The following SLIT3 variants were observed in gnomAD, a reference collection of about 807,000 sequenced individuals.
SLIT3 encodes the protein slit guidance ligand 3, also known as slit homolog 3 protein.
In SLIT3, 68 loss-of-function variants were observed where a neutral mutation model predicts 184.0. The ratio of observed to expected loss-of-function variants is 0.37; its 90% confidence interval spans 0.30 to 0.45. The LOEUF (loss-of-function observed/expected upper bound fraction) is 0.45, where lower values mean the gene tolerates loss of function less well. Ranked by LOEUF, SLIT3 falls within the 20% of genes least tolerant of loss-of-function variation. SLIT3 has a pLI of 1.00. For missense variants in SLIT3, 1,707 were observed against 2,026.0 expected (o/e 0.84, Z 3.02); for synonymous variants, 831 against 828.6 (o/e 1.00, Z -0.05).
intron 4 of SLIT3, among the ~76,000 whole-genome samples, chr5:168,966,401 T>A (rs931092927): frequency 1.9e-4 from 29 of 152,112 alleles, no homozygotes; most frequent in Middle Eastern, 6.8e-3. Flanking sequence ...GCTTTGGGAC[T>A]TTGCTTGGAA....
intron 4 of SLIT3, among the ~76,000 whole-genome samples, chr5:168,905,143 C>A (rs1399675919): frequency 6.6e-6 from 1 of 152,024 alleles, no homozygotes; most frequent in African/African-American, 2.4e-5. Flanking sequence ...TGCCACTGCA[C>A]TCCAGCCTGG....
intron 4 of SLIT3, among the ~76,000 whole-genome samples, chr5:168,945,246 A>T (rs1271996626): frequency 6.8e-6 from 1 of 147,996 alleles, no homozygotes; most frequent in African/African-American, 2.5e-5. Context: ...TGGTATCCAC[A>T]TTTTTTTTTT....
chr5:168,860,735 G>T (rs967972692), intron 5 of SLIT3, among the ~76,000 whole-genome samples: 1 of 152,156 alleles, frequency 6.6e-6, no homozygotes, highest in Non-Finnish European at 1.5e-5. Flanking sequence ...GGTACAGGAT[G>T]ACTAGGAATA....
chr5:169,090,945 G>T (rs771755744), intron 4 of SLIT3, among the ~76,000 whole-genome samples: 1 of 152,144 alleles, frequency 6.6e-6, no homozygotes, highest in Non-Finnish European at 1.5e-5. Context: ...CTCCTCCATC[G>T]TATTCCCAAA....
Position 168,891,639 on chromosome 5 carries a change from C to A in SLIT3, c.414-8303G>T, listed in dbSNP as rs1458090745. Among the ~76,000 whole-genome samples, 3 of 152,160 alleles carry A rather than the reference C, an allele frequency of 2.0e-5. No individual in the cohort carries two copies. In the East Asian group the frequency reaches 5.8e-4, roughly 29 times the overall value. On this transcript the variant is annotated intron_variant, in intron 4 of 35. Transcript: ENST00000519560. ...TGACTGAGGGTGAAGGCCTGAGGTC[C>A]AAGCACTATGGAGATAAGATGCTTG...
chr5:168,952,528 CAAA>C (rs372134778), intron 4 of SLIT3, among the ~76,000 whole-genome samples: 1 of 77,930 alleles, frequency 1.3e-5, no homozygotes, highest in Non-Finnish European at 2.4e-5. Context: ...GGGAAAATGC[CAAA>C]AAAAAAAAAA....
chr5:168,764,455 TC>T (rs928936806), intron 14 of SLIT3, among the ~76,000 whole-genome samples: 10 of 152,170 alleles, frequency 6.6e-5, no homozygotes, highest in Non-Finnish European at 1.5e-4. Context: ...GACTTGCTTC[TC>T]CCCAAAGGTT....
rs1233404530 is a variant in SLIT3 at position 169,202,720 on chromosome 5, G to T, written c.342-9170C>A. On this transcript the variant is annotated intron_variant, in intron 3 of 35. Transcript: ENST00000519560. ...TGGTTATAGAGAACTCTGGGAGCTT[G>T]GTCAGGATCACATCCTACTGAGATC... 3.3e-5 allele frequency among the ~76,000 whole-genome samples: 5 copies of T among 152,038 alleles called. No homozygotes were observed. The East Asian group carries it at 9.7e-4, about 29-fold the overall frequency.
intron 5 of SLIT3, among the ~76,000 whole-genome samples, chr5:168,846,943 A>T (rs1758494024): frequency 6.6e-6 from 1 of 152,208 alleles, no homozygotes; most frequent in South Asian, 2.1e-4. Context: ...AGAATAAAAA[A>T]AGTATGTGGT....
At chr5:168,984,539 CA>C (rs1474768191) in intron 4 of SLIT3, among the ~76,000 whole-genome samples, 1 of 152,136 alleles carries the variant, frequency 6.6e-6, no homozygotes, top group African/African-American at 2.4e-5. Flanking sequence ...AGACCAACAA[CA>C]GGGGAAAGCT....
chr5:168,913,895 A>C (rs1761348417), intron 4 of SLIT3, among the ~76,000 whole-genome samples: 1 of 152,208 alleles, frequency 6.6e-6, no homozygotes, highest in Admixed American at 6.5e-5. Context: ...ATGTTTATGC[A>C]TATACTGGTA....
intron 4 of SLIT3, among the ~76,000 whole-genome samples, chr5:169,059,367 C>A (rs575961842): frequency 6.6e-6 from 1 of 152,348 alleles, no homozygotes; most frequent in East Asian, 1.9e-4. Flanking sequence ...AAGCACCAGG[C>A]ACTGTCCCAG....
At chr5:169,294,717 C>T (rs986274355) in intron 1 of SLIT3, among the ~76,000 whole-genome samples, 12 of 152,146 alleles carry the variant, frequency 7.9e-5, no homozygotes, top group African/African-American at 2.9e-4. Context: ...CACCATTAGG[C>T]GATTTCGTCA....
At chr5:169,075,895 G>GTC in intron 4 of SLIT3, among the ~76,000 whole-genome samples, 1 of 152,300 alleles carries the variant, frequency 6.6e-6, no homozygotes, top group East Asian at 1.9e-4. Flanking sequence ...AACCTAGTTT[G>GTC]TCTCTGCAGG....
intron 14 of SLIT3, among the ~76,000 whole-genome samples, 178 bp from the exon 15 acceptor site, chr5:168,762,867 C>T (rs1405134489): frequency 6.6e-6 from 1 of 152,118 alleles, no homozygotes; most frequent in Non-Finnish European, 1.5e-5. Context: ...CTTCCCTGTC[C>T]CCAGCCTTAC....
At chr5:169,004,312 G>C (rs1273519250) in intron 4 of SLIT3, among the ~76,000 whole-genome samples, 1 of 152,194 alleles carries the variant, frequency 6.6e-6, no homozygotes, top group East Asian at 1.9e-4. Context: ...ACAGGTAGGG[G>C]GAACTGGCTG....
At chr5:168,724,568 C>T in intron 20 of SLIT3, 84 bp from the exon 21 acceptor site, 1 of 1,156,880 alleles carries the variant, frequency 8.6e-7, no homozygotes. Context: ...CCTGACTTTC[C>T]AGGCTGGATT....
At chr5:169,161,209 C>T (rs1341169065) in intron 4 of SLIT3, among the ~76,000 whole-genome samples, 1 of 152,218 alleles carries the variant, frequency 6.6e-6, no homozygotes, top group Non-Finnish European at 1.5e-5. Context: ...AGTCTCCTGA[C>T]CCCTGGCAGG....
rs780277713 is a variant in SLIT3 at position 169,049,106 on chromosome 5, C to A, written c.413+144373G>T. Reference sequence around the variant, plus strand: ...AGGGCTACGGCAGGCAGGGCCATTACCCATGTTAGTCAAGACCTATGTCAC... The same window carrying A: ...AGGGCTACGGCAGGCAGGGCCATTAACCATGTTAGTCAAGACCTATGTCAC... On this transcript the variant is annotated intron_variant, in intron 4 of 35. Transcript: ENST00000519560. Among the ~76,000 whole-genome samples, 9 of 152,296 alleles carry A rather than the reference C, an allele frequency of 5.9e-5. 1 individual carries two copies. Among genetic ancestry groups the A allele is most frequent in the Middle Eastern group, 3.4e-3 (1 of 294 alleles).
Sources: allele counts gnomAD v4.1 joint callset (sites outside exome capture counted in the v4.1 genomes callset), GRCh38; gene constraint gnomAD v4.1.1; transcripts MANE v1.5; gene names NCBI Gene and HGNC (gene_info 2026-07-23, HGNC 2026-07-21).